Variants in B3GLCT observed in about 807,000 individuals in gnomAD.
B3GLCT encodes beta 3-glucosyltransferase, also known as beta-1,3-glucosyltransferase.
In B3GLCT, 65 loss-of-function variants were observed where a neutral mutation model predicts 63.4. The observed-to-expected ratio is 1.03, with a 90% CI of 0.84 to 1.26. The LOEUF (loss-of-function observed/expected upper bound fraction) is 1.26. Among genes scored for constraint, B3GLCT ranks in the 50% most tolerant of loss-of-function variants. The probability of loss-of-function intolerance (pLI) is 0.00; values close to 1 mark genes in which losing one functional copy is unlikely to be tolerated. For synonymous variants in B3GLCT, 233 were observed against 219.2 expected, an observed-to-expected ratio of 1.06 and a Z score of -0.55; for missense variants, 577 against 604.8, an observed-to-expected ratio of 0.95 and a Z score of 0.48.
intron 6 of B3GLCT, 45 bp downstream of exon 6, chr13:31,248,011 T>C: frequency 1.9e-6 from 2 of 1,053,524 alleles, no homozygotes; most frequent in Non-Finnish European, 1.5e-6. Context: ...GGGACAGTGT[T>C]TCAAAGGAGA....
At chr13:31,231,956 G>T (rs1870402349) in intron 4 of B3GLCT, among the ~76,000 whole-genome samples, 1 of 152,182 alleles carries the variant, frequency 6.6e-6, no homozygotes, top group South Asian at 2.1e-4. Flanking sequence ...GAACTTGGCA[G>T]TTGTATTTAG....
intron 12 of B3GLCT, among the ~76,000 whole-genome samples, chr13:31,296,240 C>T (rs576737996): frequency 4.6e-5 from 7 of 152,274 alleles, no homozygotes; most frequent in East Asian, 3.9e-4. Context: ...AGCTGCAGAC[C>T]GGAGCTGTTC....
At chr13:31,296,671 G>C (rs1304031951) in intron 12 of B3GLCT, among the ~76,000 whole-genome samples, 1 of 149,960 alleles carries the variant, frequency 6.7e-6, no homozygotes, top group African/African-American at 2.5e-5. Context: ...TTTCAATAGA[G>C]ATGATGGAGA....
intron 4 of B3GLCT, among the ~76,000 whole-genome samples, chr13:31,236,482 C>T (rs564448038): frequency 6.6e-6 from 1 of 152,294 alleles, no homozygotes; most frequent in East Asian, 1.9e-4. Context: ...TCACCCCCAG[C>T]ATTTAATTTC....
chr13:31,255,029 C>CAT (rs1871657781), intron 6 of B3GLCT, among the ~76,000 whole-genome samples: 1 of 139,050 alleles, frequency 7.2e-6, no homozygotes, highest in Admixed American at 7.2e-5. Context: ...AGTGCAAAGA[C>CAT]GCTGTCTCAA....
In B3GLCT at chr13:31,284,664, G is replaced by A; in HGVS notation, c.867G>A (p.Gln289=). 2 of 1,604,020 alleles carry A rather than the reference G, an allele frequency of 1.2e-6. No individual in the cohort carries two copies. The highest frequency in any genetic ancestry group is 2.2e-5 in the East Asian group (1 of 44,784). The change falls in exon 11 of 15, where the codon CAG becomes CAA. Residue 289 remains glutamine, a synonymous_variant. Transcript: ENST00000343307. The stretch of plus-strand genomic sequence containing the variant: ...TTTTTTCAGTACCTATTGTTAAGCA[G>A]ACTTGGGAGAGCCAGGCAAGTCTCA... ...FHGDRIPIVK[Q]TWESQASLIE... is the part of the protein sequence containing the mutation.
At chr13:31,284,095 T>A (rs2137876329) in intron 10 of B3GLCT, among the ~76,000 whole-genome samples, 1 of 152,344 alleles carries the variant, frequency 6.6e-6, no homozygotes, top group South Asian at 2.1e-4. Flanking sequence ...TAGCTGCTAA[T>A]GATAGAGTTT....
At chr13:31,223,718 A>G (rs763367700) in intron 3 of B3GLCT, among the ~76,000 whole-genome samples, 1 of 152,146 alleles carries the variant, frequency 6.6e-6, no homozygotes, top group South Asian at 2.1e-4. Flanking sequence ...AATTTTGTCA[A>G]TGTCTTTCCT....
chr13:31,258,579 T>C (rs1871859686), intron 6 of B3GLCT, among the ~76,000 whole-genome samples: 1 of 152,224 alleles, frequency 6.6e-6, no homozygotes, highest in African/African-American at 2.4e-5. Context: ...TCCATTACTG[T>C]ACAAATGCTC....
At chr13:31,284,874 T>G in intron 11 of B3GLCT, 113 bp downstream of exon 11, 1 of 738,310 alleles carries the variant, frequency 1.4e-6, no homozygotes, top group Non-Finnish European at 2.4e-6. Context: ...TTTTGCCTCA[T>G]ATTAGTTTTT....
intron 4 of B3GLCT, among the ~76,000 whole-genome samples, chr13:31,241,539 C>G (rs1870943931): frequency 6.6e-6 from 1 of 152,192 alleles, no homozygotes; most frequent in Non-Finnish European, 1.5e-5. Flanking sequence ...GAAATGGCAC[C>G]TGCCCTCCAG....
Position 31,202,488 on chromosome 13 carries a change from G to T in B3GLCT, c.70+2334G>T, listed in dbSNP as rs185176742. ...TTAACATACTGATCCCGTTGTAGCAGAGATTGACAGCCACCTGCGAAGTAA... is the reference window on the plus strand; with the variant it reads ...TTAACATACTGATCCCGTTGTAGCATAGATTGACAGCCACCTGCGAAGTAA... On this transcript the variant is annotated intron_variant, in intron 1 of 14. Coordinates refer to ENST00000343307, the MANE Select transcript of B3GLCT (RefSeq NM_194318.4). Among the ~76,000 whole-genome samples, 3 of 152,314 alleles carry T rather than the reference G, an allele frequency of 2.0e-5. No homozygotes were observed. The East Asian group carries it at 5.8e-4, about 29-fold the overall frequency.
chr13:31,283,415 AT>A (rs1451760058), intron 10 of B3GLCT: 1 of 152,110 alleles, frequency 6.6e-6, no homozygotes, highest in Non-Finnish European at 1.5e-5. Context: ...ATTTTTTAAC[AT>A]TTCTTTTTTC....
intron 4 of B3GLCT, among the ~76,000 whole-genome samples, chr13:31,239,375 A>G (rs1037444332): frequency 6.6e-6 from 1 of 152,084 alleles, no homozygotes; most frequent in African/African-American, 2.4e-5. Flanking sequence ...GAGGTATGCA[A>G]ACAAAAAGCA....
chr13:31,247,218 G>A (rs1015429171), intron 5 of B3GLCT, 119 bp downstream of exon 5: 8 of 806,176 alleles, frequency 9.9e-6, no homozygotes, highest in African/African-American at 8.6e-5. Context: ...GTAAATTTGA[G>A]TTTTACTTTT....
Position 31,285,553 on chromosome 13 carries a change from C to T in B3GLCT, c.964+792C>T, listed in dbSNP as rs756448733. On this transcript the variant is annotated intron_variant, in intron 11 of 14. Transcript: ENST00000343307. ...TTCATCTTAAGTTTTATCCAGTGTTCCTGCCACCCTTTGTTCTTTAGTTTT... is the reference window on the plus strand; with the variant it reads ...TTCATCTTAAGTTTTATCCAGTGTTTCTGCCACCCTTTGTTCTTTAGTTTT... Among the ~76,000 whole-genome samples the T allele has an allele frequency of 5.9e-4, 87 of 146,254 alleles. 1 individual carries two copies. The highest frequency in any genetic ancestry group is 3.7e-3 in the Middle Eastern group (1 of 270).
intron 10 of B3GLCT, among the ~76,000 whole-genome samples, chr13:31,280,578 G>T (rs1276232325): frequency 6.6e-6 from 1 of 152,194 alleles, no homozygotes; most frequent in Non-Finnish European, 1.5e-5. Flanking sequence ...GGATGAGAAG[G>T]AGAGATGGAA....
chr13:31,292,782 T>A (rs1873744903), intron 12 of B3GLCT, among the ~76,000 whole-genome samples: 1 of 151,952 alleles, frequency 6.6e-6, no homozygotes, highest in African/African-American at 2.4e-5. Context: ...ATTGATTTTT[T>A]AGAGTTTTTT....
intron 4 of B3GLCT, among the ~76,000 whole-genome samples, chr13:31,242,811 T>C (rs115489652): frequency 0.042 from 6,472 of 152,340 alleles, 154 homozygotes; most frequent in Non-Finnish European, 0.051. Context: ...TATTTTATCT[T>C]GTTAGGAAAG....
Sources: allele counts gnomAD v4.1 joint callset (sites outside exome capture counted in the v4.1 genomes callset), GRCh38; gene constraint gnomAD v4.1.1; transcripts MANE v1.5; gene names NCBI Gene and HGNC (gene_info 2026-07-23, HGNC 2026-07-21).